CFAP43: variants seen among roughly 807,000 people sequenced by gnomAD.
The protein encoded by CFAP43 is cilia- and flagella-associated protein 43.
In CFAP43, 155 loss-of-function variants were observed where a neutral mutation model predicts 218.9. The ratio of observed to expected loss-of-function variants is 0.71; its 90% CI spans 0.62 to 0.81. The LOEUF (loss-of-function observed/expected upper bound fraction) is 0.81. Ranked by LOEUF, CFAP43 falls within the 30% of genes least tolerant of loss-of-function variation. The pLI, the probability that CFAP43 is intolerant of heterozygous loss-of-function variation, is 0.00. For synonymous variants in CFAP43, 645 were observed against 681.3 expected (o/e 0.95, Z 0.83); for missense variants, 1,778 against 1,954.3 (o/e 0.91, Z 1.70).
chr10:104,186,870 G>A (rs2090046967), intron 14 of CFAP43, among the ~76,000 whole-genome samples: 1 of 152,160 alleles, frequency 6.6e-6, no homozygotes, highest in South Asian at 2.1e-4. Context: ...ATGTGCAGCA[G>A]GAGGTGACAC....
intron 34 of CFAP43, among the ~76,000 whole-genome samples, chr10:104,137,636 C>T (rs2087513141): frequency 6.6e-6 from 1 of 151,976 alleles, no homozygotes. Context: ...GGTGAAACCC[C>T]ATCTCTACCA....
chr10:104,164,012 A>T, intron 24 of CFAP43, 82 bp downstream of exon 24: 1 of 1,438,214 alleles, frequency 7.0e-7, no homozygotes, highest in Non-Finnish European at 9.6e-7. Flanking sequence ...ATCACTTCCC[A>T]CAGAGTAACC....
At chr10:104,205,058 C>T (rs1238890299) in intron 7 of CFAP43, among the ~76,000 whole-genome samples, 1 of 151,668 alleles carries the variant, frequency 6.6e-6, no homozygotes, top group Non-Finnish European at 1.5e-5. Context: ...ACTAAAAATA[C>T]AATAATTAGC....
Position 104,161,976 on chromosome 10 carries a change from T to C in CFAP43, c.3399A>G (p.Glu1133=). The C allele has an allele frequency of 6.2e-7, 1 of 1,613,620 alleles. No homozygotes were observed. Among genetic ancestry groups the C allele is most frequent in the Non-Finnish European group, 8.5e-7 (1 of 1,179,848 alleles). ...GAAATATCACCATTCTCAAAATATC[T>C]TCCTTCTTGACTTCCAGAACTCCTC... ...MMGGVLEVKK[E]DILRMVIPQP... The change falls in exon 26 of 38, where the codon GAA becomes GAG. Residue 1133 remains glutamate, a synonymous_variant. Transcript: ENST00000357060.
chr10:104,175,286 G>A lies in CFAP43; in HGVS notation c.2461-2751C>T, dbSNP rs550884008. The stretch of plus-strand genomic sequence containing the variant: ...AAAAAAATACAAAAATTACTTGGGC[G>A]TGGTGGTGCATGTCTGCAGGCCTAG... On this transcript the variant is annotated intron_variant, in intron 19 of 37. Transcript: ENST00000357060. Among the ~76,000 whole-genome samples the A allele has an allele frequency of 7.2e-5, 11 of 152,140 alleles. No homozygotes were observed. In the South Asian group the frequency reaches 1.9e-3, roughly 26 times the overall value.
At chr10:104,228,123 T>G (rs954563350) in intron 2 of CFAP43, among the ~76,000 whole-genome samples, 2 of 152,170 alleles carry the variant, frequency 1.3e-5, no homozygotes, top group Non-Finnish European at 2.9e-5. Flanking sequence ...ATTACAGGCG[T>G]GAGCCACTGT....
Position 104,230,610 on chromosome 10 carries a change from G to T in CFAP43, c.299C>A (p.Thr100Asn). The T allele has an allele frequency of 6.2e-7, 1 of 1,614,028 alleles. No homozygotes were observed. The highest frequency in any genetic ancestry group is 8.5e-7 in the Non-Finnish European group (1 of 1,180,002). The change falls in exon 2 of 38, where the codon ACC becomes AAC. Residue 100 changes from threonine to asparagine, a missense_variant. This residue lies in a region of CFAP43 where 1,553 missense variants were observed against 1,685.2 expected (regional missense o/e 0.92). Coordinates refer to ENST00000357060, the MANE Select transcript of CFAP43 (RefSeq NM_025145.7). Reference protein sequence around the residue: ...LIYVYSFPGLTRRTKLKGNIL... With the variant: ...LIYVYSFPGLNRRTKLKGNIL... ...AATACCTTTCAATTTGGTCCTTCTG[G>T]TCAATCCTGGAAAGCTGTATACGTA...
chr10:104,140,224 T>C (rs554238982), intron 34 of CFAP43, among the ~76,000 whole-genome samples: 1 of 152,306 alleles, frequency 6.6e-6, no homozygotes, highest in Admixed American at 6.5e-5. Context: ...TAACTAAGCT[T>C]ATCTAAGATT....
chr10:104,194,112 A>G, intron 10 of CFAP43, 98 bp from the exon 11 acceptor site: 1 of 1,433,620 alleles, frequency 7.0e-7, no homozygotes, highest in Non-Finnish European at 9.4e-7. Context: ...CTGCAGGATG[A>G]GAAAAGTGGC....
chr10:104,130,772 C>T (rs1221752318), intron 37 of CFAP43, among the ~76,000 whole-genome samples: 3 of 151,822 alleles, frequency 2.0e-5, no homozygotes, highest in Non-Finnish European at 1.5e-5. Context: ...CTGAGGTGGG[C>T]GGATCTCTTG....
intron 8 of CFAP43, among the ~76,000 whole-genome samples, chr10:104,200,086 A>C (rs934309915): frequency 6.6e-6 from 1 of 152,186 alleles, no homozygotes; most frequent in African/African-American, 2.4e-5. Flanking sequence ...AGATTAAGTA[A>C]ATTTACTGAG....
rs753365408 is a variant in CFAP43 at position 104,193,936 on chromosome 10, C to T, written c.1372G>A (p.Val458Ile). The stretch of plus-strand genomic sequence containing the variant: ...ACCTGAGGGGATTCCTTATCATATA[C>T]GCTGATGAAGTAGACCGAGCCATCC... ...TEDGSVYFIS[V>I]YDKESPQVVH... is the part of the protein sequence containing the mutation. Residue 458 changes from valine (V) to isoleucine (I), a missense_variant, in exon 11 of 38, where the codon GTA becomes ATA. Around this residue, in one of 3 missense-constraint regions of CFAP43, gnomAD observed 1,553 missense variants for 1,685.2 expected, o/e 0.92. Transcript: ENST00000357060. The T allele has an allele frequency of 2.7e-5, 44 of 1,613,978 alleles. No individual in the cohort carries two copies. Among genetic ancestry groups the T allele is most frequent in the South Asian group, 2.6e-4 (24 of 91,078 alleles).
intron 11 of CFAP43, 38 bp from the exon 12 acceptor site, chr10:104,192,340 T>C: frequency 6.8e-7 from 1 of 1,468,652 alleles, no homozygotes; most frequent in Admixed American, 1.7e-5. Context: ...ATCCCAATTG[T>C]TTCACCAGCT....
At chr10:104,227,992 C>T (rs113884264) in intron 2 of CFAP43, among the ~76,000 whole-genome samples, 1,788 of 151,704 alleles carry the variant, frequency 0.012, 26 homozygotes, top group African/African-American at 0.037. Context: ...TACAGGCATG[C>T]GCCACCATGC....
intron 34 of CFAP43, among the ~76,000 whole-genome samples, chr10:104,140,259 T>TA (rs1188402462): frequency 1.3e-5 from 2 of 152,118 alleles, no homozygotes; most frequent in South Asian, 2.1e-4. Context: ...AGGCTGGGCC[T>TA]AAAAAAACGA....
intron 27 of CFAP43, among the ~76,000 whole-genome samples, chr10:104,158,153 TA>T (rs923522422): frequency 7.9e-5 from 12 of 152,228 alleles, no homozygotes; most frequent in African/African-American, 2.9e-4. Context: ...ATATAAATGA[TA>T]AAAGCTAGAA....
intron 8 of CFAP43, 82 bp downstream of exon 8, chr10:104,203,590 C>T: frequency 7.2e-7 from 1 of 1,391,136 alleles, no homozygotes; most frequent in African/African-American, 1.4e-5. Flanking sequence ...GTGCAGCATA[C>T]TCTGCTCCTC....
chr10:104,136,447 T>C (rs2087454481), intron 34 of CFAP43, among the ~76,000 whole-genome samples: 1 of 151,874 alleles, frequency 6.6e-6, no homozygotes, highest in South Asian at 2.1e-4. Flanking sequence ...CTCGCCTCAC[T>C]GCAACCTCCG....
At position 104,212,157 on chromosome 10, in the gene CFAP43, C is replaced by T; in HGVS notation, c.585G>A (p.Arg195=). ...RSNQEHCFRA[R]SVKLPLEDGS... is the part of the protein sequence containing the mutation. ...CATCTTCTAGAGGTAATTTCACCGA[C>T]CTGTAGACAAAAGAGGCATCAGAAC... is the stretch of plus-strand genomic sequence containing the variant. The change falls in exon 5 of 38, where the codon AGG becomes AGA. Residue 195 remains arginine (R), a splice_region_variant and synonymous_variant. Transcript: ENST00000357060. 2 of 1,612,578 alleles carry T rather than the reference C, an allele frequency of 1.2e-6. No homozygotes were observed. The highest frequency in any genetic ancestry group is 1.7e-6 in the Non-Finnish European group (2 of 1,179,142).
Sources: gnomAD v4.1 joint callset for allele counts (sites outside exome capture counted in the v4.1 genomes callset) on GRCh38, gnomAD v4.1.1 for gene constraint, gnomAD v4.1.1 regional missense constraint, MANE v1.5 for transcripts, NCBI Gene and HGNC (gene_info 2026-07-23, HGNC 2026-07-21) for gene names.